Variants in CCNY observed in about 807,000 individuals in gnomAD.
CCNY encodes cyclin Y.
A neutral mutation model predicts 42.8 loss-of-function variants in CCNY; 19 were observed. The ratio of observed to expected loss-of-function variants is 0.44; its 90% CI spans 0.31 to 0.65. CCNY has a LOEUF of 0.65. Ranked by LOEUF, CCNY falls within the 30% of genes least tolerant of loss-of-function variation. CCNY has a pLI of 0.07. For missense variants in CCNY, 370 were observed against 437.3 expected (o/e 0.85, Z 1.37); for synonymous variants, 165 against 162.7 (o/e 1.01, Z -0.11).
chr10:35,500,433 C>T (rs770302781), intron 2 of CCNY, among the ~76,000 whole-genome samples: 2 of 152,156 alleles, frequency 1.3e-5, no homozygotes, highest in Non-Finnish European at 2.9e-5. Flanking sequence ...TTCCATAGTC[C>T]CTTCAACAGA....
intron 1 of CCNY, among the ~76,000 whole-genome samples, chr10:35,384,084 G>T (rs2135198099): frequency 6.6e-6 from 1 of 152,234 alleles, no homozygotes; most frequent in Admixed American, 6.5e-5. Flanking sequence ...CATAAATTCT[G>T]ATTAAAGGAG....
chr10:35,365,475 T>TTAAAAA (rs201741901), intron 1 of CCNY, among the ~76,000 whole-genome samples: 1,584 of 152,326 alleles, frequency 0.01, 24 homozygotes, highest in African/African-American at 0.036. Context: ...ATGTTGAATA[T>TTAAAAA]TAAAAAATTG....
intron 1 of CCNY, among the ~76,000 whole-genome samples, chr10:35,454,193 G>A (rs1263315149): frequency 6.6e-6 from 1 of 152,168 alleles, no homozygotes; most frequent in African/African-American, 2.4e-5. Context: ...CTGCCCAACG[G>A]CACGCAACTA....
rs533701185 is a variant in CCNY, at chr10:35,442,818, T to G, written c.155-40586T>G. Among the ~76,000 whole-genome samples, 23 of 152,348 alleles carry G rather than the reference T, an allele frequency of 1.5e-4. No individual in the cohort carries two copies. In the South Asian group the frequency reaches 4.6e-3, roughly 30 times the overall value. ...AAGGTGGTATGTTCTAAGAAGTGCT[T>G]TCTGAGAAATGTCTCATTAAGTGAT... On this transcript the variant is annotated intron_variant, in intron 1 of 9. Transcript: ENST00000374704.
intron 1 of CCNY, among the ~76,000 whole-genome samples, chr10:35,417,622 G>T (rs541182167): frequency 2.0e-5 from 3 of 152,192 alleles, no homozygotes; most frequent in Non-Finnish European, 4.4e-5. Context: ...GCTTTTGGTC[G>T]TGTAGTTTTA....
chr10:35,414,187 G>T (rs1007901133), intron 1 of CCNY, among the ~76,000 whole-genome samples: 4 of 152,204 alleles, frequency 2.6e-5, no homozygotes, highest in Admixed American at 2.6e-4. Flanking sequence ...GCATGGCTTG[G>T]CTGGGTCCTG....
chr10:35,360,414 GT>G (rs1369256631), intron 1 of CCNY, among the ~76,000 whole-genome samples: 5 of 151,234 alleles, frequency 3.3e-5, no homozygotes, highest in African/African-American at 1.2e-4. Context: ...AGACTCCTGA[GT>G]AACTGGGACC....
intron 7 of CCNY, among the ~76,000 whole-genome samples, chr10:35,544,356 G>A (rs963166863): frequency 2.0e-5 from 3 of 152,266 alleles, no homozygotes; most frequent in Non-Finnish European, 4.4e-5. Flanking sequence ...TCATCATTGT[G>A]TTCCAGTTAC....
At chr10:35,444,932 CCAAA>C (rs1308297613) in intron 1 of CCNY, among the ~76,000 whole-genome samples, 1 of 152,022 alleles carries the variant, frequency 6.6e-6, no homozygotes, top group Non-Finnish European at 1.5e-5. Flanking sequence ...AGAGGAGCTT[CCAAA>C]TAGATTTGGA....
rs577260090 is a variant in CCNY at position 35,407,718 on chromosome 10, A to C, written c.154+70511A>C. On this transcript the variant is annotated intron_variant, in intron 1 of 9. Coordinates refer to ENST00000374704, the MANE Select transcript of CCNY (RefSeq NM_145012.6). ...GAACACAGGCTAAGGGAGAAGAAGG[A>C]GGAGTGGAGGGTGGAAGGTTGCCCA... 2.6e-5 allele frequency among the ~76,000 whole-genome samples: 4 copies of C among 152,126 alleles called. No individual in the cohort carries two copies. In the East Asian group the frequency reaches 7.7e-4, roughly 29 times the overall value.
intron 1 of CCNY, among the ~76,000 whole-genome samples, chr10:35,343,974 G>T (rs1304011037): frequency 6.6e-6 from 1 of 152,146 alleles, no homozygotes; most frequent in African/African-American, 2.4e-5. Flanking sequence ...GGGCTGTGAG[G>T]GTAGGTCCCC....
chr10:35,425,597 A>G (rs1838248610), intron 1 of CCNY, among the ~76,000 whole-genome samples: 1 of 152,254 alleles, frequency 6.6e-6, no homozygotes, highest in African/African-American at 2.4e-5. Context: ...TATATAACAA[A>G]GAACAGTATG....
intron 8 of CCNY, among the ~76,000 whole-genome samples, chr10:35,562,212 TC>T (rs1174936337): frequency 6.6e-6 from 1 of 152,226 alleles, no homozygotes. Context: ...AAGTGACTTG[TC>T]CAAGCATTGC....
intron 1 of CCNY, among the ~76,000 whole-genome samples, chr10:35,356,102 C>G (rs1481405981): frequency 2.0e-5 from 3 of 152,154 alleles, no homozygotes; most frequent in African/African-American, 7.2e-5. Flanking sequence ...TAAAATGATG[C>G]ACACTCTGGC....
intron 1 of CCNY, among the ~76,000 whole-genome samples, chr10:35,464,902 A>G (rs763321118): frequency 5.3e-5 from 8 of 152,230 alleles, no homozygotes; most frequent in Non-Finnish European, 1.2e-4. Flanking sequence ...GCTGTCTGCA[A>G]CAGCAGATTT....
rs1469260052 is a variant in CCNY, at chr10:35,570,397, G to T, written c.*1227G>T. On this transcript the variant is annotated 3_prime_UTR_variant, in exon 10 of 10. Transcript: ENST00000374704. ...GTTCTACAAAATTCAAACTGTGAAG[G>T]TTTATGCTTCATTAATTATGACCAT... 6.6e-6 allele frequency: 1 copy of T among 152,166 alleles called. No individual in the cohort carries two copies. The highest frequency in any genetic ancestry group is 1.5e-5 in the Non-Finnish European group (1 of 68,006). 9.4% of individuals were successfully genotyped at this position (152,166 alleles called of 1,614,324 possible).
intron 1 of CCNY, among the ~76,000 whole-genome samples, chr10:35,409,024 A>T (rs1390927831): frequency 6.6e-6 from 1 of 152,116 alleles, no homozygotes; most frequent in Non-Finnish European, 1.5e-5. Flanking sequence ...CAAAGATGAA[A>T]GCAGAAATCA....
intron 1 of CCNY, among the ~76,000 whole-genome samples, chr10:35,433,144 AG>A (rs1838450006): frequency 6.6e-6 from 1 of 152,214 alleles, no homozygotes; most frequent in Non-Finnish European, 1.5e-5. Context: ...CAGGAGTTAA[AG>A]ACCAGCCTGG....
At chr10:35,380,471 C>T (rs1012862110) in intron 1 of CCNY, among the ~76,000 whole-genome samples, 1 of 152,118 alleles carries the variant, frequency 6.6e-6, no homozygotes, top group Non-Finnish European at 1.5e-5. Flanking sequence ...ATTTAAGGAA[C>T]CTGATAATAA....
Sources: gnomAD v4.1 joint callset for allele counts (sites outside exome capture counted in the v4.1 genomes callset) on GRCh38, gnomAD v4.1.1 for gene constraint, MANE v1.5 for transcripts, NCBI Gene and HGNC (gene_info 2026-07-23, HGNC 2026-07-21) for gene names.